Variants in CCDC85A observed in about 807,000 individuals in gnomAD.
The protein encoded by CCDC85A is coiled-coil domain-containing protein 85A.
CCDC85A carries 38 observed loss-of-function variants against 50.2 expected under a neutral mutation model. The observed-to-expected ratio is 0.76, with a 90% CI of 0.58 to 0.99. CCDC85A has a LOEUF of 0.99. Among genes scored for constraint, CCDC85A ranks in the 50% least tolerant of loss-of-function variants. CCDC85A has a pLI of 0.00. For missense variants in CCDC85A, 820 were observed against 742.0 expected (o/e 1.11, Z -1.22); for synonymous variants, 366 against 301.4 (o/e 1.21, Z -2.22).
intron 2 of CCDC85A, among the ~76,000 whole-genome samples, chr2:56,311,261 C>T (rs1390086964): frequency 2.6e-5 from 4 of 152,122 alleles, no homozygotes; most frequent in Non-Finnish European, 2.9e-5. Flanking sequence ...TCCACTGCTT[C>T]CTATTTCACT....
At chr2:56,246,429 A>T (rs945675875) in intron 2 of CCDC85A, among the ~76,000 whole-genome samples, 1 of 152,104 alleles carries the variant, frequency 6.6e-6, no homozygotes, top group African/African-American at 2.4e-5. Flanking sequence ...ATATCTAAAA[A>T]AAAAACCCCA....
intron 2 of CCDC85A, among the ~76,000 whole-genome samples, chr2:56,336,702 G>GTTTCTTTTGTTCTTTACTTAGAA (rs1314250638): frequency 6.6e-6 from 1 of 152,182 alleles, no homozygotes; most frequent in African/African-American, 2.4e-5. Context: ...AAACAAAAGG[G>GTTTCTTTTGTTCTTTACTTAGAA]AAGTAAAGAG....
In CCDC85A at chr2:56,233,461, C is replaced by T. The variant is rs114305116; in HGVS notation, c.1240+40021C>T. The stretch of plus-strand genomic sequence containing the variant: ...TAAATATTAGGCTGGCTTTGCAGGG[C>T]CCAAAGGTCTCCATTGTAACTACCC... On this transcript the variant is annotated intron_variant, in intron 2 of 5. Transcript: ENST00000407595. 7.3e-3 allele frequency among the ~76,000 whole-genome samples: 1,113 copies of T among 152,210 alleles called. 10 individuals are homozygous for T. The highest frequency in any genetic ancestry group is 0.025 in the African/African-American group (1,054 of 41,526).
At chr2:56,208,581 C>T (rs1368039554) in intron 2 of CCDC85A, among the ~76,000 whole-genome samples, 1 of 152,130 alleles carries the variant, frequency 6.6e-6, no homozygotes, top group South Asian at 2.1e-4. Flanking sequence ...TTATTGGGCA[C>T]ATGGTGAACC....
At chr2:56,380,631 A>C (rs902541589) in intron 5 of CCDC85A, among the ~76,000 whole-genome samples, 6 of 151,794 alleles carry the variant, frequency 4.0e-5, no homozygotes, top group African/African-American at 1.5e-4. Context: ...ACAGTAAAAA[A>C]ATAAATAAAT....
intron 2 of CCDC85A, among the ~76,000 whole-genome samples, chr2:56,218,829 AC>A (rs1420312661): frequency 5.9e-5 from 9 of 151,870 alleles, no homozygotes; most frequent in African/African-American, 2.2e-4. Flanking sequence ...CAGATTTTTG[AC>A]ATTAAATTTT....
rs1285210312 is a variant in CCDC85A, at chr2:56,193,355, C to T, written c.1155C>T (p.Gly385=). 25 of 1,611,058 alleles carry T rather than the reference C, an allele frequency of 1.6e-5. No homozygotes were observed. The highest frequency in any genetic ancestry group is 1.7e-5 in the Non-Finnish European group (20 of 1,178,582). ...GCAGTGGAGGAAGTGGAGGCAGCGG[C>T]GGAGGCAGCAGGGAGGGCACCCTCA... is the stretch of plus-strand genomic sequence containing the variant. ...GGGSGGSGGS[G]GGSREGTLRR... is the part of the protein sequence containing the mutation. The change falls in exon 2 of 6, where the codon GGC becomes GGT. Residue 385 remains glycine, a synonymous_variant. Transcript: ENST00000407595.
intron 2 of CCDC85A, among the ~76,000 whole-genome samples, chr2:56,197,850 G>C (rs948782514): frequency 6.6e-6 from 1 of 152,190 alleles, no homozygotes; most frequent in African/African-American, 2.4e-5. Flanking sequence ...CTAATTTGAA[G>C]GCAACTCTGA....
chr2:56,284,856 C>T (rs983626469), intron 2 of CCDC85A, among the ~76,000 whole-genome samples: 3 of 152,158 alleles, frequency 2.0e-5, no homozygotes, highest in African/African-American at 7.2e-5. Flanking sequence ...AATTGTCTTT[C>T]ATTATCTACA....
intron 3 of CCDC85A, among the ~76,000 whole-genome samples, chr2:56,351,380 C>A (rs10166060): frequency 0.034 from 5,066 of 147,850 alleles, 144 homozygotes; most frequent in African/African-American, 0.11. Context: ...AATGGGATGG[C>A]TGGGTCAAAT....
intron 2 of CCDC85A, among the ~76,000 whole-genome samples, chr2:56,246,479 T>C (rs975881418): frequency 6.6e-6 from 1 of 152,194 alleles, no homozygotes; most frequent in Non-Finnish European, 1.5e-5. Flanking sequence ...TATGTTTTCT[T>C]CTAAAAGTTT....
At chr2:56,256,138 T>C (rs1011287487) in intron 2 of CCDC85A, among the ~76,000 whole-genome samples, 4 of 152,170 alleles carry the variant, frequency 2.6e-5, no homozygotes, top group East Asian at 1.9e-4. Flanking sequence ...AATTCAGATA[T>C]GCTTTGATTA....
intron 2 of CCDC85A, among the ~76,000 whole-genome samples, chr2:56,241,244 A>G (rs1224733405): frequency 6.6e-6 from 1 of 152,210 alleles, no homozygotes; most frequent in Non-Finnish European, 1.5e-5. Flanking sequence ...ATACAGACAT[A>G]CAATTTGTAA....
At chr2:56,356,491 T>C (rs1020043866) in intron 3 of CCDC85A, among the ~76,000 whole-genome samples, 2 of 152,206 alleles carry the variant, frequency 1.3e-5, no homozygotes, top group African/African-American at 4.8e-5. Context: ...ACTTTGGCTG[T>C]GATAGGCTGA....
chr2:56,201,629 T>C (rs956718488), intron 2 of CCDC85A, among the ~76,000 whole-genome samples: 2 of 152,106 alleles, frequency 1.3e-5, no homozygotes, highest in African/African-American at 4.8e-5. Context: ...ATGAATTGCT[T>C]TTGGGGGCAT....
At position 56,189,297 on chromosome 2, in the gene CCDC85A, G is replaced by GTTTTTTTTTTTTTTTT. The variant is rs70955011; in HGVS notation, c.277-3165_277-3164insTTTTTTTTTTTTTTTT. The stretch of plus-strand genomic sequence containing the variant: ...AAAACATGCACGGGGTATTTTTGGT[G>GTTTTTTTTTTTTTTTT]TTTTTTTTTTTTTTTGAGACAAGGT... On this transcript the variant is annotated intron_variant, in intron 1 of 5. Coordinates refer to ENST00000407595, the MANE Select transcript of CCDC85A (RefSeq NM_001080433.2). Among the ~76,000 whole-genome samples, 672 of 121,730 alleles carry GTTTTTTTTTTTTTTTT rather than the reference G, an allele frequency of 5.5e-3. 35 individuals are homozygous for GTTTTTTTTTTTTTTTT. The highest frequency in any genetic ancestry group is 0.013 in the African/African-American group (365 of 29,108). The allele number at this position is 121,730 out of a possible 152,430, so 79.9% of individuals were successfully genotyped here.
At chr2:56,352,336 T>G (rs1674992699) in intron 3 of CCDC85A, among the ~76,000 whole-genome samples, 1 of 152,164 alleles carries the variant, frequency 6.6e-6, no homozygotes, top group African/African-American at 2.4e-5. Flanking sequence ...GAATACATTT[T>G]TAAGTGATTT....
intron 2 of CCDC85A, among the ~76,000 whole-genome samples, chr2:56,236,055 C>T (rs777153544): frequency 4.6e-5 from 7 of 152,036 alleles, no homozygotes; most frequent in South Asian, 2.1e-4. Context: ...TGGGGTTCAA[C>T]GAGTGATGCT....
At position 56,253,689 on chromosome 2, in the gene CCDC85A, A is replaced by G. The variant is rs569428332; in HGVS notation, c.1240+60249A>G. Among the ~76,000 whole-genome samples the G allele has an allele frequency of 5.1e-4, 77 of 152,340 alleles. 1 individual carries two copies. Among genetic ancestry groups the G allele is most frequent in the South Asian group, 1.5e-3 (7 of 4,824 alleles). The stretch of plus-strand genomic sequence containing the variant: ...TAGTCAAGGCTGATGGTAGCAATGC[A>G]TAGAAGAGAGTGGATTCAAGAGATG... On this transcript the variant is annotated intron_variant, in intron 2 of 5. Coordinates refer to ENST00000407595, the MANE Select transcript of CCDC85A (RefSeq NM_001080433.2).
Sources: allele counts gnomAD v4.1 joint callset (sites outside exome capture counted in the v4.1 genomes callset), GRCh38; gene constraint gnomAD v4.1.1; transcripts MANE v1.5; gene names NCBI Gene and HGNC (gene_info 2026-07-23, HGNC 2026-07-21).